STIM1: variants seen among roughly 807,000 people sequenced by gnomAD.
STIM1 encodes stromal interaction molecule 1.
In STIM1, 25 loss-of-function variants were observed where a neutral mutation model predicts 74.7. The observed-to-expected ratio is 0.33, with a 90% CI of 0.24 to 0.47. The LOEUF is 0.47. Ranked by LOEUF, STIM1 falls within the 20% of genes least tolerant of loss-of-function variation. The probability of loss-of-function intolerance (pLI) is 1.00; values close to 1 mark genes in which losing one functional copy is unlikely to be tolerated. For missense variants in STIM1, 728 were observed against 920.8 expected (o/e 0.79, Z 2.71); for synonymous variants, 328 against 348.8 (o/e 0.94, Z 0.66).
At chr11:3,965,478 T>C (rs1394904677) in intron 1 of STIM1, among the ~76,000 whole-genome samples, 1 of 152,228 alleles carries the variant, frequency 6.6e-6, no homozygotes, top group Admixed American at 6.5e-5. Flanking sequence ...AATGTTTAAA[T>C]GGGCATATCA....
At chr11:4,052,441 G>A (rs1473423714) in intron 3 of STIM1, among the ~76,000 whole-genome samples, 2 of 152,108 alleles carry the variant, frequency 1.3e-5, no homozygotes, top group Non-Finnish European at 2.9e-5. Flanking sequence ...CCACACATCT[G>A]TAACCATCTG....
chr11:3,859,271 G>A (rs896848138), intron 1 of STIM1, among the ~76,000 whole-genome samples: 8 of 152,160 alleles, frequency 5.3e-5, no homozygotes, highest in Non-Finnish European at 1.0e-4. Flanking sequence ...TGCTCTACAA[G>A]GAGGATCTCT....
intron 1 of STIM1, among the ~76,000 whole-genome samples, chr11:3,932,820 T>C (rs981788260): frequency 6.6e-5 from 10 of 152,208 alleles, no homozygotes; most frequent in Non-Finnish European, 1.3e-4. Flanking sequence ...GGTCTTGGAC[T>C]TCCTAGCCTC....
intron 1 of STIM1, among the ~76,000 whole-genome samples, chr11:3,941,673 T>TATATATATATAGAGAGAGAGAGAGAG (rs141623520): frequency 1.1e-5 from 1 of 90,730 alleles, no homozygotes; most frequent in African/African-American, 3.7e-5. Flanking sequence ...TATATATATA[T>TATATATATATAGAGAGAGAGAGAGAG]AGAGAGAGAG....
intron 7 of STIM1, among the ~76,000 whole-genome samples, chr11:4,080,663 G>T (rs142699163): frequency 6.6e-6 from 1 of 151,896 alleles, no homozygotes; most frequent in Non-Finnish European, 1.5e-5. Context: ...ATGAGGTCTC[G>T]CTGTGTTGCT....
In STIM1 at chr11:3,967,694, C is replaced by T. The variant is rs1174331801; in HGVS notation, c.270+12C>T. Reference sequence around the variant, plus strand: ...AAGAAAGTGATGAGGTGAGCTCTCCCATCCTGCTATGTCTCTCTTTTCTTC... The same window carrying T: ...AAGAAAGTGATGAGGTGAGCTCTCCTATCCTGCTATGTCTCTCTTTTCTTC... On this transcript the variant is annotated intron_variant, in intron 2 of 12. Coordinates refer to ENST00000526596, the MANE Select transcript of STIM1 (RefSeq NM_001382567.1). 6.2e-6 allele frequency: 10 copies of T among 1,613,998 alleles called. No individual in the cohort carries two copies. The highest frequency in any genetic ancestry group is 3.3e-5 in the South Asian group (3 of 91,066).
At chr11:3,898,845 T>G (rs1381297278) in intron 1 of STIM1, among the ~76,000 whole-genome samples, 1 of 151,032 alleles carries the variant, frequency 6.6e-6, no homozygotes, top group African/African-American at 2.4e-5. Flanking sequence ...GCGTTATTTC[T>G]GAGGGCTCTG....
rs947220249 is a variant in STIM1 at position 3,940,606 on chromosome 11, T to C, written c.140-26946T>C. Among the ~76,000 whole-genome samples, 4 of 152,114 alleles carry C rather than the reference T, an allele frequency of 2.6e-5. 1 individual carries two copies. Among genetic ancestry groups the C allele is most frequent in the African/African-American group, 9.7e-5 (4 of 41,402 alleles). On this transcript the variant is annotated intron_variant, in intron 1 of 12. Coordinates refer to ENST00000526596, the MANE Select transcript of STIM1 (RefSeq NM_001382567.1). ...ATGCATCATGGTAGGCATCGAACTA[T>C]TGGGAAGCAGCATACCCCCATGCAC...
chr11:4,088,615 CT>C, intron 12 of STIM1: 1 of 1,268,668 alleles, frequency 7.9e-7, no homozygotes, highest in Non-Finnish European at 1.1e-6. Flanking sequence ...AAGGTTTAAG[CT>C]GAGGGCAGTG....
intron 3 of STIM1, among the ~76,000 whole-genome samples, chr11:4,043,875 C>T (rs1012586354): frequency 4.0e-5 from 6 of 151,884 alleles, no homozygotes; most frequent in Non-Finnish European, 7.4e-5. Context: ...ATTAGCTGGG[C>T]GTGGTGGCAC....
intron 2 of STIM1, among the ~76,000 whole-genome samples, chr11:3,995,679 G>A (rs148110196): frequency 1.3e-5 from 2 of 152,134 alleles, no homozygotes; most frequent in Non-Finnish European, 2.9e-5. Flanking sequence ...GAGTCCCACT[G>A]TTTCACCCAG....
At chr11:4,014,695 G>T (rs2093878332) in intron 2 of STIM1, among the ~76,000 whole-genome samples, 1 of 152,162 alleles carries the variant, frequency 6.6e-6, no homozygotes, top group African/African-American at 2.4e-5. Context: ...AAGTCTCTTT[G>T]TAGGTCACTC....
intron 3 of STIM1, among the ~76,000 whole-genome samples, chr11:4,047,917 C>T (rs1203044578): frequency 2.6e-5 from 4 of 151,140 alleles, no homozygotes; most frequent in Non-Finnish European, 4.4e-5. Flanking sequence ...CTCCCAGGTT[C>T]GAGTGATTCT....
chr11:4,027,437 G>A (rs1028372426), intron 3 of STIM1, among the ~76,000 whole-genome samples: 22 of 151,930 alleles, frequency 1.4e-4, no homozygotes, highest in African/African-American at 4.6e-4. Context: ...TCAGCCTCCC[G>A]AGTAGCTGGG....
intron 1 of STIM1, among the ~76,000 whole-genome samples, chr11:3,900,254 T>G (rs922055487): frequency 1.3e-5 from 2 of 152,084 alleles, no homozygotes; most frequent in Non-Finnish European, 2.9e-5. Context: ...CGGGATACAA[T>G]CTCCTGGTGC....
intron 1 of STIM1, among the ~76,000 whole-genome samples, chr11:3,918,552 A>C (rs992709569): frequency 2.0e-5 from 3 of 151,870 alleles, no homozygotes; most frequent in African/African-American, 7.3e-5. Flanking sequence ...AAAGAAAGAA[A>C]GAAAGAAAGA....
Position 4,083,252 on chromosome 11 carries a change from T to C in STIM1, c.1239-11T>C. 1 of 1,613,790 alleles carries C rather than the reference T, an allele frequency of 6.2e-7. No individual in the cohort carries two copies. Among genetic ancestry groups the C allele is most frequent in the Non-Finnish European group, 8.5e-7 (1 of 1,179,774 alleles). ...AGTCCATGCCTGCAGTTCTCTTTCC[T>C]CTGTCTTCAGGCAAGCACTGAGCGA... is the stretch of plus-strand genomic sequence containing the variant. On this transcript the variant is annotated splice_polypyrimidine_tract_variant and intron_variant, in intron 9 of 12. Coordinates refer to ENST00000526596, the MANE Select transcript of STIM1 (RefSeq NM_001382567.1).
At chr11:3,881,531 C>T (rs975079858) in intron 1 of STIM1, among the ~76,000 whole-genome samples, 7 of 151,938 alleles carry the variant, frequency 4.6e-5, no homozygotes, top group Non-Finnish European at 8.8e-5. Flanking sequence ...CCACAGCACC[C>T]GGCTAATTTT....
At position 4,092,645 on chromosome 11, in the gene STIM1, G is replaced by A. The variant is rs2094530778; in HGVS notation, c.*847G>A. ...CTCCCCAAGCATCAATACTCCTAGG[G>A]CTCAGGACAAGTGGCTCCCCTGGCC... On this transcript the variant is annotated 3_prime_UTR_variant, in exon 13 of 13. Transcript: ENST00000526596. 1 of 152,150 alleles carries A rather than the reference G, an allele frequency of 6.6e-6. No individual in the cohort carries two copies. The highest frequency in any genetic ancestry group is 1.5e-5 in the Non-Finnish European group (1 of 68,070). The allele number at this position is 152,150 out of a possible 1,614,324, so 9.4% of individuals were successfully genotyped here. A position where few individuals can be genotyped will look rare whatever the true frequency, so the allele number is the denominator to read the frequency against.
Sources: allele counts gnomAD v4.1 joint callset (sites outside exome capture counted in the v4.1 genomes callset), GRCh38; gene constraint gnomAD v4.1.1; transcripts MANE v1.5; gene names NCBI Gene and HGNC (gene_info 2026-07-23, HGNC 2026-07-21).